The following SNRPD3 variants were observed in gnomAD, a reference collection of about 807,000 sequenced individuals.
SNRPD3 encodes small nuclear ribonucleoprotein D3 polypeptide, also known as small nuclear ribonucleoprotein Sm D3.
For synonymous variants in SNRPD3, 66 were observed against 58.4 expected, an observed-to-expected ratio of 1.13 and a Z score of -0.59; for missense variants, 73 against 167.5, an observed-to-expected ratio of 0.44 and a Z score of 3.11.
intron 2 of SNRPD3, among the ~76,000 whole-genome samples, chr22:24,563,278 A>ATG (rs1198490423): frequency 6.2e-4 from 89 of 143,610 alleles, no homozygotes; most frequent in African/African-American, 1.4e-3. Context: ...ATGTATATAT[A>ATG]TGTGTGTGTG....
In SNRPD3 at chr22:24,556,001, T is replaced by C. The variant is rs1405166353; in HGVS notation, c.-89T>C. On this transcript the variant is annotated 5_prime_UTR_variant, in exon 1 of 4. Coordinates refer to ENST00000215829, the MANE Select transcript of SNRPD3 (RefSeq NM_004175.5). The stretch of plus-strand genomic sequence containing the variant: ...GAATTCTGGGTGTTAGGCCCGCCAT[T>C]CGCTTGACTCACGCCTTCGCCGTAG... The C allele has an allele frequency of 1.5e-6, 1 of 659,166 alleles. No homozygotes were observed. The highest frequency in any genetic ancestry group is 2.7e-5 in the East Asian group (1 of 36,592). 40.8% of individuals were successfully genotyped at this position (659,166 alleles called of 1,614,324 possible). A position where few individuals can be genotyped will look rare whatever the true frequency, so the allele number is the denominator to read the frequency against.
In SNRPD3 at chr22:24,574,079, A is replaced by T. The variant is rs1384467991; in HGVS notation, c.*2102A>T. Among the ~76,000 whole-genome samples, 1 of 152,224 alleles carries T rather than the reference A, an allele frequency of 6.6e-6. No homozygotes were observed. Among genetic ancestry groups the T allele is most frequent in the Non-Finnish European group, 1.5e-5 (1 of 68,038 alleles). On this transcript the variant is annotated 3_prime_UTR_variant, in exon 4 of 4. Transcript: ENST00000215829. ...TATTTTGACCCTGTACTAGTATGTTATTTTAGTATAATCATTACTGAATTC... is the reference window on the plus strand; with the variant it reads ...TATTTTGACCCTGTACTAGTATGTTTTTTTAGTATAATCATTACTGAATTC...
At chr22:24,565,535 AC>A (rs2045189030) in intron 2 of SNRPD3, among the ~76,000 whole-genome samples, 1 of 152,182 alleles carries the variant, frequency 6.6e-6, no homozygotes. Flanking sequence ...CTGGAGATAT[AC>A]CTAGGGTTAC....
rs1037183323 is a variant in SNRPD3 at position 24,572,066 on chromosome 22, CTT to C, written c.*92_*93del. The C allele has an allele frequency of 1.3e-6, 2 of 1,576,184 alleles. No homozygotes were observed. The highest frequency in any genetic ancestry group is 8.6e-7 in the Non-Finnish European group (1 of 1,160,078). On this transcript the variant is annotated 3_prime_UTR_variant, in exon 4 of 4. Transcript: ENST00000215829. Reference sequence around the variant, plus strand: ...GTGCTTGTGCATATATGCTAGGTATCTTTTGCCATCTTTCTCTTTAGATCAGG... The same window carrying C: ...GTGCTTGTGCATATATGCTAGGTATCTTGCCATCTTTCTCTTTAGATCAGG...
At chr22:24,556,588 G>C (rs1230442772) in intron 1 of SNRPD3, among the ~76,000 whole-genome samples, 1 of 152,190 alleles carries the variant, frequency 6.6e-6, no homozygotes, top group Non-Finnish European at 1.5e-5. Context: ...TTTCCACACT[G>C]TTGCAGCAGT....
chr22:24,555,700 C>G (rs2045043891), upstream of SNRPD3: 1 of 1,550,652 alleles, frequency 6.4e-7, no homozygotes. Context: ...GTCTGAGGGC[C>G]CAAGCCCCGC....
At chr22:24,560,196 A>G (rs1192385707) in intron 2 of SNRPD3, among the ~76,000 whole-genome samples, 1 of 65,890 alleles carries the variant, frequency 1.5e-5, no homozygotes, top group East Asian at 5.1e-4. Context: ...GGCTCACTGC[A>G]ACCTCTGCCT....
intron 2 of SNRPD3, among the ~76,000 whole-genome samples, chr22:24,561,030 C>T (rs2045136173): frequency 6.8e-6 from 1 of 146,196 alleles, no homozygotes; most frequent in Non-Finnish European, 1.5e-5. Context: ...TGAGCCACTG[C>T]ACCCAGCCTT....
In SNRPD3 at chr22:24,566,964, C is replaced by T. The variant is rs7285302; in HGVS notation, c.127-1020C>T. On this transcript the variant is annotated intron_variant, in intron 2 of 3. Transcript: ENST00000215829. ...TGACTGACTCCTTTATCTGAAGTAA[C>T]GACCCCGTCCAGTGTCATTATTCGA... Among the ~76,000 whole-genome samples, 1,174 of 152,304 alleles carry T rather than the reference C, an allele frequency of 7.7e-3. 8 individuals are homozygous for T. The highest frequency in any genetic ancestry group is 0.018 in the South Asian group (88 of 4,828).
At position 24,571,830 on chromosome 22, in the gene SNRPD3, C is replaced by T. The variant is rs941403677; in HGVS notation, c.320-86C>T. 21 of 1,355,128 alleles carry T rather than the reference C, an allele frequency of 1.5e-5. No individual in the cohort carries two copies. The South Asian group carries it at 2.5e-4, about 16-fold the overall frequency. The allele number at this position is 1,355,128 out of a possible 1,614,324, so 83.9% of individuals were successfully genotyped here. A position where few individuals can be genotyped will look rare whatever the true frequency, so the allele number is the denominator to read the frequency against. ...AGGTAACCCTTCAGAACCCTTCTAA[C>T]TGGTGTCCTAGGGCCCTGGCTACTC... On this transcript the variant is annotated intron_variant, in intron 3 of 3. Coordinates refer to ENST00000215829, the MANE Select transcript of SNRPD3 (RefSeq NM_004175.5).
chr22:24,569,868 C>A (rs1267292741), intron 3 of SNRPD3, among the ~76,000 whole-genome samples: 3 of 152,240 alleles, frequency 2.0e-5, no homozygotes, highest in Non-Finnish European at 4.4e-5. Context: ...GGAAGGGTCG[C>A]AAGCACAAGA....
chr22:24,559,108 A>T (rs2045108308), intron 2 of SNRPD3, among the ~76,000 whole-genome samples: 2 of 152,144 alleles, frequency 1.3e-5, no homozygotes, highest in Admixed American at 1.3e-4. Flanking sequence ...TCCAGATGAG[A>T]AGGTCAGAGA....
intron 2 of SNRPD3, among the ~76,000 whole-genome samples, chr22:24,562,469 A>T (rs920242088): frequency 2.6e-5 from 4 of 152,008 alleles, no homozygotes; most frequent in African/African-American, 9.7e-5. Flanking sequence ...GCGTGAACCC[A>T]GGAGGCAGAG....
rs1569024539 is a variant in SNRPD3, at chr22:24,560,715, C to CCTTTTTTT, written c.126+2915_126+2916insCTTTTTTT. 4.0e-5 allele frequency among the ~76,000 whole-genome samples: 4 copies of CCTTTTTTT among 98,862 alleles called. 2 individuals carry two copies. The allele number at this position is 98,862 out of a possible 152,430, so 64.9% of individuals were successfully genotyped here. ...ACAGGCGTGAGCCACTGCACCTGGC[C>CCTTTTTTT]TTTTTTTTTTTTTTTTTTTTTTTTT... On this transcript the variant is annotated intron_variant, in intron 2 of 3. Transcript: ENST00000215829.
chr22:24,568,292 A>G, intron 3 of SNRPD3, 116 bp downstream of exon 3: 3 of 683,352 alleles, frequency 4.4e-6, no homozygotes, highest in Non-Finnish European at 4.9e-6. Flanking sequence ...CTCCACACCC[A>G]CCACCCACTG....
At chr22:24,557,831 G>A in intron 2 of SNRPD3, 31 bp downstream of exon 2, 7 of 1,593,412 alleles carry the variant, frequency 4.4e-6, no homozygotes, top group Non-Finnish European at 6.0e-6. Flanking sequence ...GGCTGTGTGG[G>A]AGGAATGGCC....
intron 1 of SNRPD3, among the ~76,000 whole-genome samples, chr22:24,557,011 G>A (rs904442537): frequency 2.6e-5 from 4 of 152,156 alleles, no homozygotes; most frequent in Non-Finnish European, 5.9e-5. Context: ...AGGGTTAAAG[G>A]GCTGAATTAA....
At chr22:24,557,982 A>G (rs2045096471) in intron 2 of SNRPD3, 182 bp downstream of exon 2, 1 of 480,460 alleles carries the variant, frequency 2.1e-6, no homozygotes, top group East Asian at 3.7e-5. Context: ...CGAGACACAT[A>G]ATCTTGAGGC....
chr22:24,564,942 G>A (rs915664837), intron 2 of SNRPD3, among the ~76,000 whole-genome samples: 5 of 143,178 alleles, frequency 3.5e-5, no homozygotes, highest in Non-Finnish European at 7.5e-5. Flanking sequence ...GGAATGCAGT[G>A]TCATAATCAT....
Sources: allele counts gnomAD v4.1 joint callset (sites outside exome capture counted in the v4.1 genomes callset), GRCh38; gene constraint gnomAD v4.1.1; transcripts MANE v1.5; gene names NCBI Gene and HGNC (gene_info 2026-07-23, HGNC 2026-07-21).